ANKRD45: variants seen among roughly 807,000 people sequenced by gnomAD.
ANKRD45 encodes ankyrin repeat domain-containing protein 45.
A neutral mutation model predicts 28.1 loss-of-function variants in ANKRD45; 21 were observed. That is an observed-to-expected ratio of 0.75 (90% confidence interval 0.53 to 1.08). The LOEUF is 1.08. Ranked by LOEUF, ANKRD45 falls within the 50% of genes least tolerant of loss-of-function variation. The probability of loss-of-function intolerance (pLI) is 0.00; values close to 1 mark genes in which losing one functional copy is unlikely to be tolerated. For missense variants in ANKRD45, 261 were observed against 308.7 expected, an observed-to-expected ratio of 0.85 and a Z score of 1.16; for synonymous variants, 86 against 103.9, an observed-to-expected ratio of 0.83 and a Z score of 1.05.
intron 1 of ANKRD45, among the ~76,000 whole-genome samples, chr1:173,659,646 C>T (rs529296040): frequency 6.6e-6 from 1 of 151,866 alleles, no homozygotes; most frequent in Non-Finnish European, 1.5e-5. Flanking sequence ...CAAGTATATA[C>T]TAAAATGTTA....
intron 2 of ANKRD45, among the ~76,000 whole-genome samples, chr1:173,651,206 T>C (rs9803677): frequency 0.17 from 25,861 of 152,182 alleles, 7,323 homozygotes; most frequent in African/African-American, 0.59. Context: ...GGTTTTCTTC[T>C]AGGGTTTTTA....
chr1:173,613,110 G>A (rs1342053220), intron 5 of ANKRD45, among the ~76,000 whole-genome samples: 4 of 150,832 alleles, frequency 2.7e-5, no homozygotes, highest in South Asian at 2.1e-4. Flanking sequence ...AGTGAAGAGC[G>A]CCTCTTCCCG....
At chr1:173,712,108 G>A in the ANKRD45 span, among the ~76,000 whole-genome samples, 2 of 152,188 alleles carry the variant, frequency 1.3e-5, no homozygotes, top group African/African-American at 2.4e-5. Flanking sequence ...GCAATTCACA[G>A]AAGGGAAATC....
chr1:173,661,199 G>A (rs867085054), intron 1 of ANKRD45, among the ~76,000 whole-genome samples: 5 of 152,176 alleles, frequency 3.3e-5, no homozygotes, highest in South Asian at 2.1e-4. Context: ...TACCAGGGGT[G>A]AAGGGTAGTG....
intron 3 of ANKRD45, chr1:173,637,055 G>A: frequency 2.1e-6 from 3 of 1,417,820 alleles, no homozygotes; most frequent in Non-Finnish European, 2.9e-6. Context: ...ATATGCAAAT[G>A]TAGCTTAGTC....
chr1:173,653,756 G>T (rs545244462), intron 2 of ANKRD45, among the ~76,000 whole-genome samples: 1 of 151,944 alleles, frequency 6.6e-6, no homozygotes, highest in Non-Finnish European at 1.5e-5. Flanking sequence ...GGTCTCTAAG[G>T]ACCTGCTTTA....
Position 173,656,240 on chromosome 1 carries a change from G to A in ANKRD45, c.328+2851C>T, listed in dbSNP as rs949922827. On this transcript the variant is annotated intron_variant, in intron 2 of 5. Transcript: ENST00000333279. The stretch of plus-strand genomic sequence containing the variant: ...TGTTCCTATTTGGCCATCTTGTAAT[G>A]GACCCATGTCTTAAACCATTCTTTT... 3.9e-5 allele frequency among the ~76,000 whole-genome samples: 6 copies of A among 152,258 alleles called. No homozygotes were observed. In the East Asian group the frequency reaches 1.2e-3, roughly 29 times the overall value.
At chr1:173,679,348 T>G in the ANKRD45 span, among the ~76,000 whole-genome samples, 6 of 152,072 alleles carry the variant, frequency 3.9e-5, no homozygotes, top group African/African-American at 9.6e-5. Flanking sequence ...CCAGAACAGA[T>G]ATATAGACCA....
At chr1:173,669,484 CAA>C (rs1670169025) in intron 1 of ANKRD45, 1 of 455,518 alleles carries the variant, frequency 2.2e-6, no homozygotes, top group Middle Eastern at 3.3e-4. Flanking sequence ...CAGAGTTAAA[CAA>C]AGAGAAGGCC....
intron 2 of ANKRD45, among the ~76,000 whole-genome samples, chr1:173,649,342 T>A (rs937046703): frequency 6.6e-6 from 1 of 152,206 alleles, no homozygotes; most frequent in Non-Finnish European, 1.5e-5. Context: ...AGTGAAGGAA[T>A]TCCCATTTCC....
At chr1:173,678,223 A>G in the ANKRD45 span, among the ~76,000 whole-genome samples, 1 of 152,226 alleles carries the variant, frequency 6.6e-6, no homozygotes, top group East Asian at 1.9e-4. Flanking sequence ...TTTTATGAGC[A>G]TCATCCTGAT....
At chr1:173,702,926 A>G in the ANKRD45 span, among the ~76,000 whole-genome samples, 7 of 151,728 alleles carry the variant, frequency 4.6e-5, no homozygotes, top group Non-Finnish European at 1.0e-4. Context: ...GGATCTTGCT[A>G]TGCTGCCCAG....
chr1:173,687,334 C>A, the ANKRD45 span, among the ~76,000 whole-genome samples: 2 of 152,026 alleles, frequency 1.3e-5, no homozygotes, highest in East Asian at 3.8e-4. Flanking sequence ...CTTTCACAGA[C>A]AATTCTTTGA....
chr1:173,706,370 ACT>A, the ANKRD45 span, among the ~76,000 whole-genome samples: 4 of 148,608 alleles, frequency 2.7e-5, no homozygotes, highest in Non-Finnish European at 4.5e-5. Context: ...ACCAAGTCTC[ACT>A]CTGTCACCCA....
the ANKRD45 span, among the ~76,000 whole-genome samples, chr1:173,691,240 T>G: frequency 4.6e-5 from 7 of 152,128 alleles, no homozygotes; most frequent in Admixed American, 4.6e-4. Flanking sequence ...GTTTTTTGTT[T>G]TGGTTTGGTT....
At chr1:173,665,742 C>A (rs1027137158) in intron 1 of ANKRD45, among the ~76,000 whole-genome samples, 1 of 152,078 alleles carries the variant, frequency 6.6e-6, no homozygotes, top group Admixed American at 6.5e-5. Context: ...GGTACAGTGG[C>A]TCACACCTGT....
intron 3 of ANKRD45, among the ~76,000 whole-genome samples, chr1:173,630,818 TAAAAAAAAAAAA>T (rs60007196): frequency 6.9e-5 from 2 of 29,058 alleles, no homozygotes; most frequent in Admixed American, 1.1e-3. Context: ...AGACTCTGTC[TAAAAAAAAAAAA>T]AAAAAAAAAA....
intron 5 of ANKRD45, among the ~76,000 whole-genome samples, chr1:173,610,884 C>A (rs1485546302): frequency 1.2e-4 from 18 of 152,104 alleles, no homozygotes; most frequent in Admixed American, 1.2e-3. Flanking sequence ...CACTCTTAAA[C>A]TATACTCACT....
At chr1:173,698,102 A>T in the ANKRD45 span, among the ~76,000 whole-genome samples, 2 of 152,218 alleles carry the variant, frequency 1.3e-5, no homozygotes, top group African/African-American at 4.8e-5. Flanking sequence ...TCAATTCAAC[A>T]AGAAGAGCTA....
Sources: gnomAD v4.1 joint callset for allele counts (sites outside exome capture counted in the v4.1 genomes callset) on GRCh38, gnomAD v4.1.1 for gene constraint, MANE v1.5 for transcripts, NCBI Gene and HGNC (gene_info 2026-07-23, HGNC 2026-07-21) for gene names.